HOXB7: variants seen among roughly 807,000 people sequenced by gnomAD.
HOXB7 encodes the protein homeobox protein Hox-B7.
In HOXB7, 11 loss-of-function variants were observed where a neutral mutation model predicts 19.2. The observed-to-expected ratio is 0.57, with a 90% CI of 0.36 to 0.95. The LOEUF (loss-of-function observed/expected upper bound fraction) is 0.95, where lower values mean the gene tolerates loss of function less well. Ranked by LOEUF, HOXB7 falls within the 40% of genes least tolerant of loss-of-function variation. HOXB7 has a pLI of 0.01. For missense variants in HOXB7, 318 were observed against 301.1 expected (o/e 1.06, Z -0.42); for synonymous variants, 141 against 130.2 (o/e 1.08, Z -0.56).
chr17:48,608,717 C>T (rs2070615010), intron 1 of HOXB7, among the ~76,000 whole-genome samples: 2 of 152,206 alleles, frequency 1.3e-5, no homozygotes, highest in Admixed American at 1.3e-4. Context: ...GGCTCTGCAC[C>T]TAAGGGGTGC....
intron 1 of HOXB7, 154 bp from the exon 2 acceptor site, chr17:48,608,249 C>T (rs1428752828): frequency 1.1e-5 from 10 of 942,192 alleles, no homozygotes; most frequent in African/African-American, 5.0e-5. Context: ...CAGTGAAACC[C>T]CGTCTCTACT....
Position 48,607,718 on chromosome 17 carries a change from T to TG in HOXB7, c.*123_*124insC. ...TTTAAATAGGGTTTTTTTTTTGTTT[T>TG]TTTTGTTTTTTGTTTTGTTTTTTTA... On this transcript the variant is annotated 3_prime_UTR_variant, in exon 2 of 2. Transcript: ENST00000239165. The TG allele has an allele frequency of 1.3e-6, 1 of 742,616 alleles. No individual in the cohort carries two copies. Among genetic ancestry groups the TG allele is most frequent in the South Asian group, 3.0e-5 (1 of 33,676 alleles). 46.0% of individuals were successfully genotyped at this position (742,616 alleles called of 1,614,324 possible).
chr17:48,607,936 T>G lies in HOXB7; in HGVS notation c.560A>C (p.Asn187Thr). Residue 187 changes from asparagine to threonine, a missense_variant, in exon 2 of 2, where the codon AAC becomes ACC. By Grantham distance (65) the Asn-to-Thr change is moderately conservative. Coordinates refer to ENST00000239165, the MANE Select transcript of HOXB7 (RefSeq NM_004502.4). ...TERQIKIWFQ[N>T]RRMKWKKENK... ...CTCCTTTTTCCACTTCATGCGCCGG[T>G]TCTGAAACCAAATCTTGATCTGTCT... is the stretch of plus-strand genomic sequence containing the variant. 1 of 1,614,156 alleles carries G rather than the reference T, an allele frequency of 6.2e-7. No homozygotes were observed. Among genetic ancestry groups the G allele is most frequent in the Non-Finnish European group, 8.5e-7 (1 of 1,180,022 alleles).
Position 48,610,619 on chromosome 17 carries a change from A to G in HOXB7, c.300T>C (p.Cys100=). The part of the protein sequence containing the change: ...APFEQNLSGV[C]PGDSAKAAGA... ...CCGCCGCCTTGGCGGAGTCGCCGGG[A>G]CACACCCCGGAGAGGTTCTGCTCAA... Residue 100 remains cysteine, a synonymous_variant, in exon 1 of 2, where the codon TGT becomes TGC. Transcript: ENST00000239165. 1 of 1,561,040 alleles carries G rather than the reference A, an allele frequency of 6.4e-7. No individual in the cohort carries two copies. Among genetic ancestry groups the G allele is most frequent in the Middle Eastern group, 1.7e-4 (1 of 5,854 alleles).
chr17:48,608,826 G>T (rs533921886), intron 1 of HOXB7, among the ~76,000 whole-genome samples: 169 of 152,336 alleles, frequency 1.1e-3, no homozygotes, highest in Non-Finnish European at 1.8e-3. Context: ...TTCCAGTAGA[G>T]ACCAAGAGAA....
rs755728332 is a variant in HOXB7, at chr17:48,610,949, G to T, written c.-31C>A. The T allele has an allele frequency of 2.5e-5, 36 of 1,458,110 alleles. 1 individual carries two copies. The South Asian group carries it at 5.4e-4, about 22-fold the overall frequency. 90.3% of individuals were successfully genotyped at this position (1,458,110 alleles called of 1,614,324 possible). A position where few individuals can be genotyped will look rare whatever the true frequency, so the allele number is the denominator to read the frequency against. On this transcript the variant is annotated 5_prime_UTR_variant, in exon 1 of 2. Coordinates refer to ENST00000239165, the MANE Select transcript of HOXB7 (RefSeq NM_004502.4). ...GGCCGGATGATTTGTAGGCAGGGACGTTTTAGTGTCGGTTTTACGAGATTC... is the reference window on the plus strand; with the variant it reads ...GGCCGGATGATTTGTAGGCAGGGACTTTTTAGTGTCGGTTTTACGAGATTC...
rs2070592868 is a variant in HOXB7, at chr17:48,607,352, TG to T, written c.*489del. 6.6e-6 allele frequency: 1 copy of T among 152,466 alleles called. No individual in the cohort carries two copies. The highest frequency in any genetic ancestry group is 2.4e-5 in the African/African-American group (1 of 41,228). The allele number at this position is 152,466 out of a possible 1,614,324, so 9.4% of individuals were successfully genotyped here. ...GCCAGGCGCTTGGGGAACACGCGAG[TG>T]GTAGGTTTTGGGGCTCCCTAAGGCC... On this transcript the variant is annotated 3_prime_UTR_variant, in exon 2 of 2. Transcript: ENST00000239165.
chr17:48,610,968 G>T lies in HOXB7; in HGVS notation c.-50C>A, dbSNP rs972860470. On this transcript the variant is annotated 5_prime_UTR_variant, in exon 1 of 2. Coordinates refer to ENST00000239165, the MANE Select transcript of HOXB7 (RefSeq NM_004502.4). ...AGGGACGTTTTAGTGTCGGTTTTAC[G>T]AGATTCCTTGATATATTACAGAATT... The T allele has an allele frequency of 2.1e-6, 3 of 1,412,406 alleles. No homozygotes were observed. Among genetic ancestry groups the T allele is most frequent in the African/African-American group, 2.9e-5 (2 of 68,132 alleles). The allele number at this position is 1,412,406 out of a possible 1,614,324, so 87.5% of individuals were successfully genotyped here. A position where few individuals can be genotyped will look rare whatever the true frequency, so the allele number is the denominator to read the frequency against.
intron 1 of HOXB7, among the ~76,000 whole-genome samples, chr17:48,609,362 A>G (rs1005958393): frequency 2.6e-5 from 4 of 152,240 alleles, no homozygotes. Context: ...TGAGCAGAAA[A>G]AATGGGGCTT....
At position 48,607,604 on chromosome 17, in the gene HOXB7, G is replaced by A; in HGVS notation, c.*238C>T. On this transcript the variant is annotated 3_prime_UTR_variant, in exon 2 of 2. Transcript: ENST00000239165. ...TTGTACAAAAAAACCAAACCTGACA[G>A]ACTTTCCTATAGGTAGTATTTTTTC... is the stretch of plus-strand genomic sequence containing the variant. The A allele has an allele frequency of 4.2e-6, 2 of 478,080 alleles. No individual in the cohort carries two copies. Among genetic ancestry groups the A allele is most frequent in the Non-Finnish European group, 7.3e-6 (2 of 273,434 alleles). The allele number at this position is 478,080 out of a possible 1,614,324, so 29.6% of individuals were successfully genotyped here. A position where few individuals can be genotyped will look rare whatever the true frequency, so the allele number is the denominator to read the frequency against.
chr17:48,607,985 C>A lies in HOXB7; in HGVS notation c.511G>T (p.Ala171Ser). 1 of 1,614,166 alleles carries A rather than the reference C, an allele frequency of 6.2e-7. No individual in the cohort carries two copies. The highest frequency in any genetic ancestry group is 8.5e-7 in the Non-Finnish European group (1 of 1,180,034). The change falls in exon 2 of 2, where the codon GCG becomes TCG. Residue 171 changes from alanine to serine, a missense_variant. Ala to Ser is a moderately conservative substitution (Grantham distance 99). Transcript: ENST00000239165. The part of the protein sequence containing the change: ...YLTRRRRIEI[A>S]HTLCLTERQI... ...CTTTCCGTGAGGCAGAGCGTGTGCG[C>A]GATCTCGATGCGCCGCCGCCGCGTC...
rs371008880 is a variant in HOXB7 at position 48,607,552 on chromosome 17, G to A, written c.*290C>T. 2.3e-3 allele frequency: 811 copies of A among 358,702 alleles called. 3 individuals carry two copies. Among genetic ancestry groups the A allele is most frequent in the Non-Finnish European group, 3.2e-3 (646 of 199,400 alleles). 22.2% of individuals were successfully genotyped at this position (358,702 alleles called of 1,614,324 possible). On this transcript the variant is annotated 3_prime_UTR_variant, in exon 2 of 2. Coordinates refer to ENST00000239165, the MANE Select transcript of HOXB7 (RefSeq NM_004502.4). Reference sequence around the variant, plus strand: ...GGGAGGTAAATTCCAGAAAGCTACAGAACAGGTAGATAATATCCTTTTCAT... The same window carrying A: ...GGGAGGTAAATTCCAGAAAGCTACAAAACAGGTAGATAATATCCTTTTCAT...
rs201785717 is a variant in HOXB7, at chr17:48,607,958, G to C, written c.538C>G (p.Gln180Glu). The change falls in exon 2 of 2, where the codon CAG becomes GAG. Residue 180 changes from glutamine (Q) to glutamate (E), a missense_variant. Transcript: ENST00000239165. ...IAHTLCLTER[Q>E]IKIWFQNRRM... The stretch of plus-strand genomic sequence containing the variant: ...CGGTTCTGAAACCAAATCTTGATCT[G>C]TCTTTCCGTGAGGCAGAGCGTGTGC... 5 of 1,614,106 alleles carry C rather than the reference G, an allele frequency of 3.1e-6. No homozygotes were observed.
rs2070641268 is a variant in HOXB7, at chr17:48,611,003, A to C, written c.-85T>G. The C allele has an allele frequency of 7.4e-6, 9 of 1,208,564 alleles. No homozygotes were observed. Among genetic ancestry groups the C allele is most frequent in the Admixed American group, 3.0e-5 (1 of 33,764 alleles). 74.9% of individuals were successfully genotyped at this position (1,208,564 alleles called of 1,614,324 possible). A position where few individuals can be genotyped will look rare whatever the true frequency, so the allele number is the denominator to read the frequency against. On this transcript the variant is annotated 5_prime_UTR_variant, in exon 1 of 2. Coordinates refer to ENST00000239165, the MANE Select transcript of HOXB7 (RefSeq NM_004502.4). The stretch of plus-strand genomic sequence containing the variant: ...GATATATTACAGAATTAGAGTCCAG[A>C]TTTACACCAAAAAGGACCCCCTTTT...
In HOXB7 at chr17:48,610,755, AT is replaced by A. The variant is rs777233220; in HGVS notation, c.163del (p.Met55CysfsTer108). 1 of 1,599,458 alleles carries A rather than the reference AT, an allele frequency of 6.3e-7. No homozygotes were observed. The highest frequency in any genetic ancestry group is 8.5e-7 in the Non-Finnish European group (1 of 1,172,228). On this transcript the variant is annotated frameshift_variant, in exon 1 of 2. Transcript: ENST00000239165. LOFTEE classifies it high-confidence loss of function. ...CCCCCCGCCGGGGTACAAGCCCTGC[AT>A]CGAGGCGGCGAAGGAAGCGCCCGAA... ...AGSGASFAAS[M>X]QGLYPGGGGM...
chr17:48,609,430 A>G (rs2070621075), intron 1 of HOXB7, among the ~76,000 whole-genome samples: 1 of 152,244 alleles, frequency 6.6e-6, no homozygotes, highest in Admixed American at 6.5e-5. Flanking sequence ...ACCTATAACC[A>G]CTAATACTGA....
intron 1 of HOXB7, among the ~76,000 whole-genome samples, chr17:48,610,045 C>T (rs2070627031): frequency 7.1e-6 from 1 of 141,122 alleles, no homozygotes; most frequent in Non-Finnish European, 1.5e-5. Flanking sequence ...AATTGCTTAG[C>T]GCTATGGCCC....
At position 48,607,718 on chromosome 17, in the gene HOXB7, T is replaced by G; in HGVS notation, c.*124A>C. 2.7e-6 allele frequency: 2 copies of G among 742,616 alleles called. No individual in the cohort carries two copies. Among genetic ancestry groups the G allele is most frequent in the Non-Finnish European group, 2.0e-6 (1 of 498,888 alleles). The allele number at this position is 742,616 out of a possible 1,614,324, so 46.0% of individuals were successfully genotyped here. A position where few individuals can be genotyped will look rare whatever the true frequency, so the allele number is the denominator to read the frequency against. ...TTTAAATAGGGTTTTTTTTTTGTTT[T>G]TTTTGTTTTTTGTTTTGTTTTTTTA... is the stretch of plus-strand genomic sequence containing the variant. On this transcript the variant is annotated 3_prime_UTR_variant, in exon 2 of 2. Coordinates refer to ENST00000239165, the MANE Select transcript of HOXB7 (RefSeq NM_004502.4).
At position 48,607,779 on chromosome 17, in the gene HOXB7, C is replaced by T. The variant is rs959471766; in HGVS notation, c.*63G>A. On this transcript the variant is annotated 3_prime_UTR_variant, in exon 2 of 2. Transcript: ENST00000239165. ...CGATTTGAGTTTCCTGATTCAGTTCCCAGAGCTGGGCTTCTCTTCCTCTCC... is the reference window on the plus strand; with the variant it reads ...CGATTTGAGTTTCCTGATTCAGTTCTCAGAGCTGGGCTTCTCTTCCTCTCC... 2.3e-6 allele frequency: 3 copies of T among 1,314,140 alleles called. No homozygotes were observed. The highest frequency in any genetic ancestry group is 3.2e-6 in the Non-Finnish European group (3 of 941,186). The allele number at this position is 1,314,140 out of a possible 1,614,324, so 81.4% of individuals were successfully genotyped here.
Sources: allele counts gnomAD v4.1 joint callset (sites outside exome capture counted in the v4.1 genomes callset), GRCh38; gene constraint gnomAD v4.1.1; transcripts MANE v1.5; gene names NCBI Gene and HGNC (gene_info 2026-07-23, HGNC 2026-07-21).